MYT1L: variants seen among roughly 807,000 people sequenced by gnomAD.
MYT1L encodes the protein myelin transcription factor 1-like protein.
Under a neutral mutation model 126.7 loss-of-function variants are expected in MYT1L, and 12 were observed. The observed-to-expected ratio is 0.09, with a 90% CI of 0.06 to 0.15. The LOEUF (loss-of-function observed/expected upper bound fraction) is 0.15. MYT1L is among the 10% of genes least tolerant of loss of function. MYT1L has a pLI of 1.00. For missense variants in MYT1L, 979 were observed against 1,585.2 expected, an observed-to-expected ratio of 0.62 and a Z score of 6.49; for synonymous variants, 541 against 604.2, an observed-to-expected ratio of 0.90 and a Z score of 1.53.
chr2:1,902,517 G>A (rs922045669), intron 14 of MYT1L, among the ~76,000 whole-genome samples: 12 of 152,248 alleles, frequency 7.9e-5, no homozygotes, highest in African/African-American at 2.9e-4. Context: ...AACTTCTCAA[G>A]GGTGCCGTAG....
intron 3 of MYT1L, among the ~76,000 whole-genome samples, chr2:2,054,369 G>A (rs2069212459): frequency 6.6e-6 from 1 of 151,946 alleles, no homozygotes; most frequent in African/African-American, 2.4e-5. Flanking sequence ...ACTAGGAGAT[G>A]AGACACATGG....
At chr2:2,088,828 G>C (rs116702213) in intron 3 of MYT1L, among the ~76,000 whole-genome samples, 275 of 152,218 alleles carry the variant, frequency 1.8e-3, no homozygotes, top group African/African-American at 6.4e-3. Flanking sequence ...CCTATTAAAA[G>C]CAAAAGCATA....
chr2:2,279,250 G>C (rs1043100902), intron 2 of MYT1L, among the ~76,000 whole-genome samples: 1 of 152,198 alleles, frequency 6.6e-6, no homozygotes, highest in Non-Finnish European at 1.5e-5. Context: ...AGATTGTATA[G>C]AGGCTAATAG....
At chr2:1,862,242 A>G (rs967314450) in intron 18 of MYT1L, among the ~76,000 whole-genome samples, 4 of 150,792 alleles carry the variant, frequency 2.7e-5, no homozygotes, top group Non-Finnish European at 5.9e-5. Context: ...AAATTATTTC[A>G]CAGACTTAAT....
intron 1 of MYT1L, chr2:2,324,598 G>C (rs1257260069): frequency 2.0e-5 from 3 of 152,794 alleles, no homozygotes; most frequent in South Asian, 4.1e-4. Flanking sequence ...AGGGAAGACG[G>C]GCATGCGTAC....
intron 21 of MYT1L, chr2:1,816,406 A>G (rs2037645577): frequency 6.6e-6 from 1 of 152,602 alleles, no homozygotes; most frequent in Admixed American, 6.5e-5. Flanking sequence ...CCGGGTTCCC[A>G]GAAGCTTTGG....
intron 3 of MYT1L, among the ~76,000 whole-genome samples, chr2:2,091,990 G>A (rs1416287446): frequency 2.6e-5 from 4 of 152,128 alleles, no homozygotes; most frequent in Admixed American, 6.5e-5. Flanking sequence ...TATCCAGACC[G>A]CTACAACTTT....
At chr2:1,985,842 A>G (rs1016264398) in intron 5 of MYT1L, among the ~76,000 whole-genome samples, 1 of 152,210 alleles carries the variant, frequency 6.6e-6, no homozygotes, top group Non-Finnish European at 1.5e-5. Context: ...ACCACCCAGG[A>G]TAGCACTAAT....
At chr2:1,847,963 G>A (rs1316195206) in intron 19 of MYT1L, among the ~76,000 whole-genome samples, 1 of 152,152 alleles carries the variant, frequency 6.6e-6, no homozygotes, top group Non-Finnish European at 1.5e-5. Context: ...CTTCCTCCAG[G>A]GCCATCCTAG....
intron 3 of MYT1L, among the ~76,000 whole-genome samples, chr2:2,071,425 C>A (rs549830250): frequency 1.3e-5 from 2 of 152,306 alleles, no homozygotes; most frequent in African/African-American, 4.8e-5. Flanking sequence ...TCTGTACTCA[C>A]CAAGTTTACT....
chr2:2,096,948 G>C (rs1164708951), intron 3 of MYT1L, among the ~76,000 whole-genome samples: 1 of 152,134 alleles, frequency 6.6e-6, no homozygotes, highest in East Asian at 1.9e-4. Context: ...CACAGTGTGG[G>C]CTAGGGGGCC....
intron 5 of MYT1L, among the ~76,000 whole-genome samples, chr2:1,984,699 CAG>C (rs1288962707): frequency 6.6e-6 from 1 of 151,690 alleles, no homozygotes; most frequent in East Asian, 2.0e-4. Flanking sequence ...TTAGTAGAGA[CAG>C]GGTTTCACCG....
chr2:2,321,356 C>T (rs2096161860), intron 1 of MYT1L, among the ~76,000 whole-genome samples: 1 of 152,116 alleles, frequency 6.6e-6, no homozygotes, highest in Non-Finnish European at 1.5e-5. Flanking sequence ...CTATGGGGTG[C>T]CCTGCAGACT....
intron 3 of MYT1L, among the ~76,000 whole-genome samples, chr2:2,141,952 T>A (rs2084046165): frequency 6.6e-6 from 1 of 152,290 alleles, no homozygotes; most frequent in Non-Finnish European, 1.5e-5. Flanking sequence ...CCCAAGCACG[T>A]CCTCATCTGT....
chr2:2,145,642 G>GACACACACACACACACACACAC (rs139332300), intron 3 of MYT1L, among the ~76,000 whole-genome samples: 4 of 146,432 alleles, frequency 2.7e-5, no homozygotes, highest in African/African-American at 1.0e-4. Flanking sequence ...ACACACACAA[G>GACACACACACACACACACACAC]ACACACACAC....
chr2:2,089,295 C>T (rs765790249), intron 3 of MYT1L, among the ~76,000 whole-genome samples: 8 of 152,242 alleles, frequency 5.3e-5, no homozygotes, highest in South Asian at 2.1e-4. Context: ...AAAACTGCAC[C>T]GCCACCCTTC....
intron 18 of MYT1L, among the ~76,000 whole-genome samples, chr2:1,867,797 A>G (rs544556342): frequency 6.6e-6 from 1 of 152,300 alleles, no homozygotes; most frequent in South Asian, 2.1e-4. Flanking sequence ...TTGTTCACAC[A>G]TTACCTTCAT....
Position 1,809,246 on chromosome 2 carries a change from G to A in MYT1L, c.3081-79C>T, listed in dbSNP as rs866369466. On this transcript the variant is annotated intron_variant, in intron 21 of 24. Transcript: ENST00000647738. ...GCAGGGAAGTGGTGGTAAGCAAGGCGTAGAATAGCATTATTAGGTTGGTTG... is the reference window on the plus strand; with the variant it reads ...GCAGGGAAGTGGTGGTAAGCAAGGCATAGAATAGCATTATTAGGTTGGTTG... The A allele has an allele frequency of 8.6e-5, 116 of 1,346,398 alleles. No individual in the cohort carries two copies. In the Middle Eastern group the frequency reaches 2.5e-3, roughly 29 times the overall value. The allele number at this position is 1,346,398 out of a possible 1,614,324, so 83.4% of individuals were successfully genotyped here.
chr2:2,129,213 C>G (rs921807279), intron 3 of MYT1L, among the ~76,000 whole-genome samples: 2 of 152,166 alleles, frequency 1.3e-5, no homozygotes, highest in African/African-American at 4.8e-5. Context: ...GTTACATCCA[C>G]AAGCACAGTT....
Sources: gnomAD v4.1 joint callset for allele counts (sites outside exome capture counted in the v4.1 genomes callset) on GRCh38, gnomAD v4.1.1 for gene constraint, MANE v1.5 for transcripts, NCBI Gene and HGNC (gene_info 2026-07-23, HGNC 2026-07-21) for gene names.